CCDC171: variants seen among roughly 807,000 people sequenced by gnomAD.
CCDC171 encodes the protein coiled-coil domain containing 171, also known as coiled-coil domain-containing protein 171.
In CCDC171, 177 loss-of-function variants were observed where a neutral mutation model predicts 168.2. The observed-to-expected ratio is 1.05, with a 90% confidence interval of 0.93 to 1.19. The LOEUF is 1.19. Among genes scored for constraint, CCDC171 ranks in the 50% most tolerant of loss-of-function variants. The pLI is 0.00. For synonymous variants in CCDC171, 687 were observed against 540.8 expected (o/e 1.27, Z -3.75); for missense variants, 1,991 against 1,539.0 (o/e 1.29, Z -4.91).
At chr9:15,565,575 A>G (rs367548867) in intron 2 of CCDC171, among the ~76,000 whole-genome samples, 45 of 152,290 alleles carry the variant, frequency 3.0e-4, no homozygotes, top group African/African-American at 9.6e-4. Flanking sequence ...TTCTGTTTCT[A>G]TAGATTTGCC....
intron 10 of CCDC171, among the ~76,000 whole-genome samples, chr9:15,692,776 C>T (rs2050909260): frequency 6.6e-6 from 1 of 151,578 alleles, no homozygotes; most frequent in Non-Finnish European, 1.5e-5. Flanking sequence ...ATCCACGCGC[C>T]TCGGCCTCCC....
At chr9:15,639,433 T>C (rs1306015561) in intron 7 of CCDC171, among the ~76,000 whole-genome samples, 1 of 152,122 alleles carries the variant, frequency 6.6e-6, no homozygotes, top group Non-Finnish European at 1.5e-5. Flanking sequence ...TTTATTATCA[T>C]GTTAATCAGA....
At chr9:15,721,939 GC>G in intron 12 of CCDC171, 64 bp downstream of exon 12, 1 of 734,066 alleles carries the variant, frequency 1.4e-6, no homozygotes, top group Non-Finnish European at 2.0e-6. Context: ...CGTATTCCTT[GC>G]TTGTTACAAA....
At chr9:15,724,164 C>G (rs2053659179) in intron 13 of CCDC171, among the ~76,000 whole-genome samples, 1 of 152,160 alleles carries the variant, frequency 6.6e-6, no homozygotes, top group Non-Finnish European at 1.5e-5. Flanking sequence ...CCACACCTGG[C>G]TAAGGCCCAG....
In CCDC171 at chr9:15,602,647, C is replaced by CTTTTTTTTTTTTTTTT. The variant is rs1161286304; in HGVS notation, c.675+8486_675+8501dup. 5.4e-3 allele frequency among the ~76,000 whole-genome samples: 164 copies of CTTTTTTTTTTTTTTTT among 30,440 alleles called. 7 individuals carry two copies. Among genetic ancestry groups the CTTTTTTTTTTTTTTTT allele is most frequent in the East Asian group, 0.019 (10 of 538 alleles). 20.0% of individuals were successfully genotyped at this position (30,440 alleles called of 152,430 possible). A position where few individuals can be genotyped will look rare whatever the true frequency, so the allele number is the denominator to read the frequency against. On this transcript the variant is annotated intron_variant, in intron 6 of 25. Coordinates refer to ENST00000380701, the MANE Select transcript of CCDC171 (RefSeq NM_173550.4). Reference sequence around the variant, plus strand: ...TTTCTCATTTCTTTTTTTTTTTTTTCTTTTTTTTTTTTTTTTTTTTTTTTT... The same window carrying CTTTTTTTTTTTTTTTT: ...TTTCTCATTTCTTTTTTTTTTTTTTCTTTTTTTTTTTTTTTTTTTTTTTTTTTTTTTTTTTTTTTTT...
intron 6 of CCDC171, among the ~76,000 whole-genome samples, chr9:15,600,697 C>T (rs1355731266): frequency 6.6e-6 from 1 of 152,222 alleles, no homozygotes; most frequent in Non-Finnish European, 1.5e-5. Context: ...GCAGAGGTTT[C>T]TGCTGCCTTT....
chr9:15,666,039 C>A, intron 8 of CCDC171, 124 bp from the exon 9 acceptor site: 1 of 795,046 alleles, frequency 1.3e-6, no homozygotes, highest in Non-Finnish European at 1.9e-6. Flanking sequence ...TTTTTTAAGC[C>A]AAAGCAGAAA....
chr9:16,025,665 A>G (rs1373238228), intron 6 of CCDC171, among the ~76,000 whole-genome samples: 1 of 152,234 alleles, frequency 6.6e-6, no homozygotes, highest in Non-Finnish European at 1.5e-5. Context: ...TGGAAACACT[A>G]AGCTAAGTGA....
At chr9:15,742,512 C>T (rs1186489089) in intron 16 of CCDC171, among the ~76,000 whole-genome samples, 1 of 152,166 alleles carries the variant, frequency 6.6e-6, no homozygotes, top group Non-Finnish European at 1.5e-5. Flanking sequence ...TGAAGTGTGC[C>T]TGCTTTAAGA....
intron 10 of CCDC171, among the ~76,000 whole-genome samples, chr9:15,689,894 C>T (rs1413608520): frequency 2.0e-5 from 3 of 152,048 alleles, no homozygotes; most frequent in Non-Finnish European, 2.9e-5. Context: ...GAAAAAAATC[C>T]TTCATGATTA....
intron 1 of CCDC171, among the ~76,000 whole-genome samples, chr9:15,562,466 T>G (rs558725655): frequency 3.3e-4 from 50 of 152,318 alleles, no homozygotes; most frequent in African/African-American, 1.2e-3. Flanking sequence ...TGGAAGATGC[T>G]ATCTCTCTAG....
intron 5 of CCDC171, among the ~76,000 whole-genome samples, chr9:15,593,505 C>T (rs1261454111): frequency 6.6e-6 from 1 of 151,968 alleles, no homozygotes; most frequent in Non-Finnish European, 1.5e-5. Context: ...TCTAGAGTTT[C>T]CTTATCCTAA....
intron 14 of CCDC171, among the ~76,000 whole-genome samples, chr9:15,725,713 G>C (rs2053758136): frequency 6.6e-6 from 1 of 152,172 alleles, no homozygotes; most frequent in Non-Finnish European, 1.5e-5. Flanking sequence ...GCCTCCTAAA[G>C]TACTGGGATT....
intron 16 of CCDC171, among the ~76,000 whole-genome samples, chr9:15,739,761 C>G (rs374932029): frequency 1.2e-4 from 17 of 146,330 alleles, no homozygotes; most frequent in African/African-American, 4.2e-4. Flanking sequence ...TTTTTGATAC[C>G]AAGTCTCACT....
At chr9:15,799,682 C>T (rs568867093) in intron 21 of CCDC171, among the ~76,000 whole-genome samples, 13 of 152,086 alleles carry the variant, frequency 8.5e-5, no homozygotes, top group Admixed American at 5.2e-4. Flanking sequence ...CTGTAGCCAC[C>T]TGTTGTGCCG....
intron 6 of CCDC171, among the ~76,000 whole-genome samples, chr9:15,614,768 T>G (rs1243362262): frequency 6.6e-6 from 1 of 152,240 alleles, no homozygotes; most frequent in Non-Finnish European, 1.5e-5. Context: ...CTAAAAAGTT[T>G]CCTAGAAACT....
intron 9 of CCDC171, among the ~76,000 whole-genome samples, chr9:15,666,557 G>A (rs2048748679): frequency 2.6e-5 from 4 of 152,234 alleles, no homozygotes; most frequent in Middle Eastern, 3.4e-3. Flanking sequence ...TAATAAACTA[G>A]AAAGTAAATA....
chr9:15,736,522 G>C (rs925112216), intron 16 of CCDC171, among the ~76,000 whole-genome samples: 1 of 151,900 alleles, frequency 6.6e-6, no homozygotes, highest in African/African-American at 2.4e-5. Flanking sequence ...GCTGATTTTT[G>C]TATTTTTTAA....
intron 11 of CCDC171, among the ~76,000 whole-genome samples, chr9:15,711,340 T>C (rs917593661): frequency 3.3e-5 from 5 of 152,188 alleles, no homozygotes; most frequent in Non-Finnish European, 5.9e-5. Flanking sequence ...CACTTCTTTT[T>C]TGAGTTCTAT....
Sources: allele counts gnomAD v4.1 joint callset (sites outside exome capture counted in the v4.1 genomes callset), GRCh38; gene constraint gnomAD v4.1.1; transcripts MANE v1.5; gene names NCBI Gene and HGNC (gene_info 2026-07-23, HGNC 2026-07-21).